SLC16A1: variants seen among roughly 807,000 people sequenced by gnomAD.
SLC16A1 encodes the protein monocarboxylate transporter 1.
In SLC16A1, 11 loss-of-function variants were observed where a neutral mutation model predicts 32.2. The observed-to-expected ratio is 0.34, with a 90% CI of 0.21 to 0.56. SLC16A1 has a LOEUF of 0.56. Ranked by LOEUF, SLC16A1 falls within the 20% of genes least tolerant of loss-of-function variation. SLC16A1 has a pLI of 0.87. For missense variants in SLC16A1, 435 were observed against 615.0 expected (o/e 0.71, Z 3.10); for synonymous variants, 231 against 226.8 (o/e 1.02, Z -0.17).
chr1:112,938,877 CT>C (rs553027289), intron 1 of SLC16A1, among the ~76,000 whole-genome samples: 510 of 139,850 alleles, frequency 3.6e-3, no homozygotes, highest in Middle Eastern at 3.7e-3. Flanking sequence ...GAAAGCATTT[CT>C]TTTTTTTTTT....
chr1:112,911,867 A>G lies in SLC16A1; in HGVS notation c.*2024T>C, dbSNP rs1648331585. ...AGTTATTTATACTTGCTTTACTTTT[A>G]TTTTTTCAGATTTCCTTTACTTACA... On this transcript the variant is annotated 3_prime_UTR_variant, in exon 5 of 5. Transcript: ENST00000369626. The G allele has an allele frequency of 6.6e-6, 1 of 152,212 alleles. No individual in the cohort carries two copies. Among genetic ancestry groups the G allele is most frequent in the African/African-American group, 2.4e-5 (1 of 41,450 alleles). The allele number at this position is 152,212 out of a possible 1,614,324, so 9.4% of individuals were successfully genotyped here. A position where few individuals can be genotyped will look rare whatever the true frequency, so the allele number is the denominator to read the frequency against.
chr1:112,953,328 ATT>A (rs1040183000), intron 1 of SLC16A1, among the ~76,000 whole-genome samples: 1 of 151,818 alleles, frequency 6.6e-6, no homozygotes, highest in African/African-American at 2.4e-5. Flanking sequence ...TGCCTGGCTA[ATT>A]TTTTGTATTT....
intron 1 of SLC16A1, among the ~76,000 whole-genome samples, chr1:112,952,703 G>T (rs1430488023): frequency 6.6e-6 from 1 of 152,052 alleles, no homozygotes; most frequent in Non-Finnish European, 1.5e-5. Flanking sequence ...TCAACTCTTT[G>T]TGTTTTGAAA....
chr1:112,913,855 C>T lies in SLC16A1; in HGVS notation c.*36G>A. ...TAGAATATTTTCAGATATCCTGGGT[C>T]ATGAACTGCTCAATTTACCCTTCAG... On this transcript the variant is annotated 3_prime_UTR_variant, in exon 5 of 5. Transcript: ENST00000369626. 6.2e-7 allele frequency: 1 copy of T among 1,613,356 alleles called. No homozygotes were observed. The highest frequency in any genetic ancestry group is 8.5e-7 in the Non-Finnish European group (1 of 1,179,386).
At chr1:112,946,993 T>C (rs1649726770) in intron 1 of SLC16A1, among the ~76,000 whole-genome samples, 1 of 152,256 alleles carries the variant, frequency 6.6e-6, no homozygotes, top group South Asian at 2.1e-4. Context: ...GAGAGTCCTA[T>C]GTCCCTTTCA....
intron 1 of SLC16A1, among the ~76,000 whole-genome samples, chr1:112,950,481 A>T (rs1172309449): frequency 1.3e-5 from 2 of 152,222 alleles, no homozygotes; most frequent in African/African-American, 4.8e-5. Flanking sequence ...ATTTTGAGGA[A>T]ATTCTCCTAT....
At position 112,917,490 on chromosome 1, in the gene SLC16A1, C is replaced by T. The variant is rs1222375330; in HGVS notation, c.916G>A (p.Ala306Thr). ...GGTCGGGCTACCATGTCAACAAAAG[C>T]CAGAATGGAAAGAAGGAAGGCAGAC... is the stretch of plus-strand genomic sequence containing the variant. The part of the protein sequence containing the change: ...EKSAFLLSIL[A>T]FVDMVARPSM... The change falls in exon 4 of 5, where the codon GCT becomes ACT. Residue 306 changes from alanine (A) to threonine (T), a missense_variant. Coordinates refer to ENST00000369626, the MANE Select transcript of SLC16A1 (RefSeq NM_003051.4). The surrounding 1 kb of genome is among the most constrained non-coding windows in gnomAD (Gnocchi z 4.1). The T allele has an allele frequency of 6.2e-7, 1 of 1,614,120 alleles. No individual in the cohort carries two copies. Among genetic ancestry groups the T allele is most frequent in the Non-Finnish European group, 8.5e-7 (1 of 1,180,016 alleles).
chr1:112,927,809 G>A (rs1648992913), intron 2 of SLC16A1, among the ~76,000 whole-genome samples: 1 of 152,126 alleles, frequency 6.6e-6, no homozygotes, highest in South Asian at 2.1e-4. Flanking sequence ...CAAAACACAA[G>A]TGGCTTTCTC....
chr1:112,936,197 TATA>T (rs1649297503), intron 1 of SLC16A1, among the ~76,000 whole-genome samples: 1 of 137,910 alleles, frequency 7.3e-6, no homozygotes. Flanking sequence ...ATCTCATTTT[TATA>T]ATAATAATTC....
intron 2 of SLC16A1, among the ~76,000 whole-genome samples, chr1:112,924,698 C>A (rs896332261): frequency 6.6e-6 from 1 of 152,126 alleles, no homozygotes; most frequent in African/African-American, 2.4e-5. Flanking sequence ...TTCCTAGTTA[C>A]ATCCAAATTC....
chr1:112,954,373 A>G lies in SLC16A1; in HGVS notation c.-45+1662T>C, dbSNP rs543476167. Among the ~76,000 whole-genome samples, 260 of 152,342 alleles carry G rather than the reference A, an allele frequency of 1.7e-3. 2 individuals are homozygous for G. Among genetic ancestry groups the G allele is most frequent in the Non-Finnish European group, 2.1e-3 (140 of 68,030 alleles). The stretch of plus-strand genomic sequence containing the variant: ...AGACACACATAGTTCCCACCAAACC[A>G]TAACAAGTTTTCAGACCTAAGATGT... On this transcript the variant is annotated intron_variant, in intron 1 of 4. Transcript: ENST00000369626.
intron 2 of SLC16A1, among the ~76,000 whole-genome samples, chr1:112,924,926 G>GTTC (rs1465091773): frequency 6.6e-6 from 1 of 152,040 alleles, no homozygotes; most frequent in African/African-American, 2.4e-5. Flanking sequence ...GAATTACTTG[G>GTTC]TTCCATGCCT....
intron 4 of SLC16A1, among the ~76,000 whole-genome samples, chr1:112,916,275 G>A (rs765695278): frequency 1.1e-4 from 16 of 151,200 alleles, no homozygotes; most frequent in African/African-American, 2.9e-4. Context: ...CAAGGCGGGT[G>A]GACCACCTGA....
intron 2 of SLC16A1, among the ~76,000 whole-genome samples, chr1:112,926,410 C>A (rs893490088): frequency 1.3e-5 from 2 of 151,770 alleles, no homozygotes; most frequent in African/African-American, 4.8e-5. Context: ...CTGGCCAACA[C>A]CATCTCTACT....
At chr1:112,952,008 AAT>A (rs1649914268) in intron 1 of SLC16A1, among the ~76,000 whole-genome samples, 1 of 152,198 alleles carries the variant, frequency 6.6e-6, no homozygotes, top group African/African-American at 2.4e-5. Context: ...GGGATAACCA[AAT>A]ATATGCCTCC....
At chr1:112,924,468 G>A in intron 2 of SLC16A1, 1 of 740,744 alleles carries the variant, frequency 1.3e-6, no homozygotes, top group South Asian at 1.7e-5. Flanking sequence ...AAACCTAACA[G>A]TAAAGTCACC....
intron 2 of SLC16A1, chr1:112,924,226 A>C: frequency 6.6e-7 from 1 of 1,515,628 alleles, no homozygotes; most frequent in Non-Finnish European, 9.2e-7. Context: ...TCCAGCTTGG[A>C]GCAGTTGGAG....
intron 1 of SLC16A1, among the ~76,000 whole-genome samples, chr1:112,945,740 C>G (rs1649680168): frequency 1.3e-5 from 2 of 151,812 alleles, no homozygotes; most frequent in Admixed American, 6.6e-5. Context: ...CACCTGTAAT[C>G]CCAGCACTTT....
At chr1:112,933,142 G>A (rs1649193006) in intron 1 of SLC16A1, among the ~76,000 whole-genome samples, 1 of 152,040 alleles carries the variant, frequency 6.6e-6, no homozygotes, top group South Asian at 2.1e-4. Context: ...TTTAAATCAA[G>A]CAAAGATTTC....
Sources: gnomAD v4.1 joint callset for allele counts (sites outside exome capture counted in the v4.1 genomes callset) on GRCh38, gnomAD v4.1.1 for gene constraint, Gnocchi (gnomAD v3.1) non-coding constraint, MANE v1.5 for transcripts, NCBI Gene and HGNC (gene_info 2026-07-23, HGNC 2026-07-21) for gene names.